The following CRHR2 variants were observed in gnomAD, a reference collection of about 807,000 sequenced individuals.
CRHR2 encodes corticotropin-releasing hormone receptor 2.
In CRHR2, 53 loss-of-function variants were observed where a neutral mutation model predicts 57.9. That is an observed-to-expected ratio of 0.92 (90% CI 0.73 to 1.15). CRHR2 has a LOEUF of 1.15. Among genes scored for constraint, CRHR2 ranks in the 50% most tolerant of loss-of-function variants. CRHR2 has a pLI of 0.00. For missense variants in CRHR2, 532 were observed against 542.6 expected (o/e 0.98, Z 0.19); for synonymous variants, 213 against 220.9 (o/e 0.96, Z 0.32).
At chr7:30,660,551 C>T (rs1184114369) in intron 8 of CRHR2, 22 bp downstream of exon 8, 5 of 1,554,240 alleles carry the variant, frequency 3.2e-6, no homozygotes, top group Non-Finnish European at 4.4e-6. Context: ...CAGCCCCATC[C>T]CAGCCACCGC....
chr7:30,689,316 C>A, intron 1 of CRHR2: 1 of 1,529,172 alleles, frequency 6.5e-7, no homozygotes, highest in South Asian at 1.2e-5. Flanking sequence ...GGTCAAAGAT[C>A]AGGCCCAGGC....
chr7:30,698,169 T>C (rs1364898259), intron 1 of CRHR2: 1 of 152,316 alleles, frequency 6.6e-6, no homozygotes, highest in Non-Finnish European at 1.5e-5. Context: ...AGGCTGGGCT[T>C]TGGCGTCAGA....
chr7:30,686,955 A>G (rs867197322), upstream of CRHR2, among the ~76,000 whole-genome samples: 35 of 152,324 alleles, frequency 2.3e-4, no homozygotes, highest in Middle Eastern at 3.4e-3. Context: ...TGTAGTAGAC[A>G]ATATAATAAG....
At position 30,665,625 on chromosome 7, in the gene CRHR2, G is replaced by T. The variant is rs761809778; in HGVS notation, c.330C>A (p.Asp110Glu). 3 of 1,557,894 alleles carry T rather than the reference G, an allele frequency of 1.9e-6. No individual in the cohort carries two copies. The highest frequency in any genetic ancestry group is 8.7e-7 in the Non-Finnish European group (1 of 1,150,030). Reference protein sequence around the residue: ...PILDDKQRKYDLHYRIALVVN... With the variant: ...PILDDKQRKYELHYRIALVVN... ...CGACAAGGGCGATGCGGTAGTGCAG[G>T]TCATACTTCCTCTGCTGGACAGACA... Residue 110 changes from aspartate (D) to glutamate (E), a missense_variant, in exon 4 of 12, where the codon GAC (aspartate) becomes GAA (glutamate). Physicochemically the swap from Asp to Glu is conservative, Grantham distance 45. Coordinates refer to ENST00000471646, the MANE Select transcript of CRHR2 (RefSeq NM_001883.5). The surrounding 1 kb of genome is among the most constrained non-coding windows in gnomAD (Gnocchi z 4.5).
intron 5 of CRHR2, among the ~76,000 whole-genome samples, chr7:30,663,313 T>A (rs1217462688): frequency 6.6e-6 from 1 of 152,116 alleles, no homozygotes; most frequent in Non-Finnish European, 1.5e-5. Context: ...CAAGGGTGTA[T>A]GAAGTGGGGC....
At chr7:30,667,166 G>A (rs1414590640) in intron 3 of CRHR2, 62 bp downstream of exon 3, 1 of 1,491,752 alleles carries the variant, frequency 6.7e-7, no homozygotes, top group Non-Finnish European at 9.3e-7. Context: ...GATCTTCTCT[G>A]CTCAACCTGA....
In CRHR2 at chr7:30,665,669, G is replaced by A; in HGVS notation, c.316-30C>T. The A allele has an allele frequency of 1.3e-6, 2 of 1,536,512 alleles. No homozygotes were observed. Among genetic ancestry groups the A allele is most frequent in the Non-Finnish European group, 1.8e-6 (2 of 1,133,230 alleles). On this transcript the variant is annotated intron_variant, in intron 3 of 11. Coordinates refer to ENST00000471646, the MANE Select transcript of CRHR2 (RefSeq NM_001883.5). The surrounding 1 kb of genome is among the most constrained non-coding windows in gnomAD (Gnocchi z 4.5). ...ACAGACAGACATGGGCAGGGCAGAT[G>A]GAGGCATGGGCACGTGGGGGTGGGG...
At chr7:30,690,704 C>T (rs766349024) in intron 1 of CRHR2, among the ~76,000 whole-genome samples, 4 of 152,178 alleles carry the variant, frequency 2.6e-5, no homozygotes, top group Non-Finnish European at 5.9e-5. Context: ...GCCCTCACCA[C>T]GTCAGCCTGG....
intron 1 of CRHR2, chr7:30,698,352 G>T (rs765096552): frequency 6.6e-5 from 10 of 152,412 alleles, no homozygotes; most frequent in Admixed American, 1.3e-4. Context: ...CACCTCTGGA[G>T]CAGCCAGCAG....
In CRHR2 at chr7:30,655,079, C is replaced by T. The variant is rs776658451; in HGVS notation, c.1055G>A (p.Gly352Asp). The part of the protein sequence containing the change: ...YFNSFLQSFQ[G>D]FFVSVFYCFF... ...GCAGTAGAAGACAGACACGAAGAAA[C>T]CCTGGAAAGGAGGGAAAGGAGGGAG... Residue 352 changes from glycine to aspartate, a missense_variant and splice_region_variant, in exon 11 of 12, where the codon GGT becomes GAT. Physicochemically the swap from Gly to Asp is moderately conservative, Grantham distance 94. Transcript: ENST00000471646. The T allele has an allele frequency of 6.2e-7, 1 of 1,613,412 alleles. No individual in the cohort carries two copies.
chr7:30,682,468 C>G (rs900167074), upstream of CRHR2: 9 of 1,327,802 alleles, frequency 6.8e-6, no homozygotes, highest in South Asian at 4.0e-5. Context: ...GGGACCTTCC[C>G]GGAGAGGAGC....
At chr7:30,673,585 T>A (rs1439258310) in intron 2 of CRHR2, among the ~76,000 whole-genome samples, 1 of 152,170 alleles carries the variant, frequency 6.6e-6, no homozygotes, top group Non-Finnish European at 1.5e-5. Context: ...CTCCACTTCC[T>A]GGAGTGGATT....
At chr7:30,659,346 T>C (rs1783908070) in intron 8 of CRHR2, among the ~76,000 whole-genome samples, 1 of 152,186 alleles carries the variant, frequency 6.6e-6, no homozygotes, top group Non-Finnish European at 1.5e-5. Context: ...TCTTTACAGT[T>C]GGGGCTTACT....
chr7:30,662,129 C>G, intron 7 of CRHR2, 27 bp downstream of exon 7: 1 of 1,612,292 alleles, frequency 6.2e-7, no homozygotes, highest in Non-Finnish European at 8.5e-7. Flanking sequence ...TTCCCCATGA[C>G]CCCCCATGGC....
intron 2 of CRHR2, 28 bp downstream of exon 2, chr7:30,681,887 G>A: frequency 1.2e-6 from 2 of 1,601,274 alleles, no homozygotes; most frequent in Non-Finnish European, 1.7e-6. Flanking sequence ...CCGGTGTAGA[G>A]CAGGCAGCGA....
At position 30,682,057 on chromosome 7, in the gene CRHR2, G is replaced by C. The variant is rs1472256129; in HGVS notation, c.104-17C>G. On this transcript the variant is annotated splice_polypyrimidine_tract_variant and intron_variant, in intron 1 of 11. Coordinates refer to ENST00000471646, the MANE Select transcript of CRHR2 (RefSeq NM_001883.5). ...AGTAGGGACCTGGCGGCGGGAGAGA[G>C]CGCAGTAGGGCTCAGAGGGGCCCGC... 1 of 1,569,170 alleles carries C rather than the reference G, an allele frequency of 6.4e-7. No homozygotes were observed. The highest frequency in any genetic ancestry group is 1.9e-5 in the Admixed American group (1 of 52,918).
chr7:30,655,894 C>T (rs1783768221), intron 9 of CRHR2, 33 bp downstream of exon 9: 1 of 1,609,792 alleles, frequency 6.2e-7, no homozygotes, highest in Non-Finnish European at 8.5e-7. Flanking sequence ...TCCTCCTGTC[C>T]CCATTGTGGG....
In CRHR2 at chr7:30,652,184, G is replaced by C. The variant is rs534647351; in HGVS notation, c.*1276C>G. 2 of 152,362 alleles carry C rather than the reference G, an allele frequency of 1.3e-5. No homozygotes were observed. Among genetic ancestry groups the C allele is most frequent in the Admixed American group, 1.3e-4 (2 of 15,306 alleles). 9.4% of individuals were successfully genotyped at this position (152,362 alleles called of 1,614,324 possible). A position where few individuals can be genotyped will look rare whatever the true frequency, so the allele number is the denominator to read the frequency against. The stretch of plus-strand genomic sequence containing the variant: ...CCCTGACTCCTGCGGCTCCGCTGCA[G>C]GGACACAGGGACGGAAGCCAAGCCT... On this transcript the variant is annotated 3_prime_UTR_variant, in exon 12 of 12. Coordinates refer to ENST00000471646, the MANE Select transcript of CRHR2 (RefSeq NM_001883.5). This position sits in a 1 kb window ranked among gnomAD's most constrained non-coding sequence, Gnocchi z 4.4.
At chr7:30,676,422 C>A (rs775627375) in intron 2 of CRHR2, among the ~76,000 whole-genome samples, 1 of 152,136 alleles carries the variant, frequency 6.6e-6, no homozygotes, top group Non-Finnish European at 1.5e-5. Flanking sequence ...ACCTGAGTTT[C>A]CGGATTTACA....
Sources: gnomAD v4.1 joint callset for allele counts (sites outside exome capture counted in the v4.1 genomes callset) on GRCh38, gnomAD v4.1.1 for gene constraint, Gnocchi (gnomAD v3.1) non-coding constraint, MANE v1.5 for transcripts, NCBI Gene and HGNC (gene_info 2026-07-23, HGNC 2026-07-21) for gene names.